OR5D13: variants seen among roughly 807,000 people sequenced by gnomAD.
OR5D13 encodes the protein olfactory receptor 5D13.
For missense variants in OR5D13, 470 were observed against 372.1 expected, an observed-to-expected ratio of 1.26 and a Z score of -2.16; for synonymous variants, 192 against 134.3, an observed-to-expected ratio of 1.43 and a Z score of -2.97.
chr11:55,774,079 T>C lies in OR5D13; in HGVS notation c.642T>C (p.Ile214=). The part of the protein sequence containing the change: ...IAIFNEVSSL[I]IILTSYMLIF... ...TATTCAATGAGGTGAGCAGCCTAAT[T>C]ATCATTCTGACATCATATATGCTTA... Residue 214 remains isoleucine (I), a synonymous_variant, in exon 1 of 1, where the codon ATT becomes ATC. Coordinates refer to ENST00000623930, the MANE Select transcript of OR5D13 (RefSeq NM_001001967.1). The C allele has an allele frequency of 6.2e-7, 1 of 1,613,932 alleles. No homozygotes were observed. The highest frequency in any genetic ancestry group is 1.1e-5 in the South Asian group (1 of 91,084).
Position 55,773,537 on chromosome 11 carries a change from T to C in OR5D13, c.100T>C (p.Leu34=). 6.2e-7 allele frequency: 1 copy of C among 1,613,370 alleles called. No homozygotes were observed. The highest frequency in any genetic ancestry group is 8.5e-7 in the Non-Finnish European group (1 of 1,179,558). ...EIQVPLFLVF[L]FVYTVTVVGN... The stretch of plus-strand genomic sequence containing the variant: ...CCAGGTTCCACTCTTTCTGGTTTTC[T>C]TGTTCGTCTACACAGTCACTGTAGT... Residue 34 remains leucine (L), a synonymous_variant, in exon 1 of 1, where the codon TTG becomes CTG. Coordinates refer to ENST00000623930, the MANE Select transcript of OR5D13 (RefSeq NM_001001967.1).
chr11:55,773,467 C>G lies in OR5D13; in HGVS notation c.30C>G (p.Ser10Arg). The G allele has an allele frequency of 6.2e-7, 1 of 1,605,300 alleles. No individual in the cohort carries two copies. Reference protein sequence around the residue: MMASERNQSSTPTFILLGFS... With the variant: MMASERNQSRTPTFILLGFS... ...TGGCATCTGAAAGAAATCAAAGCAG[C>G]ACACCCACTTTTATTCTCTTGGGTT... is the stretch of plus-strand genomic sequence containing the variant. The change falls in exon 1 of 1, where the codon AGC (serine) becomes AGG (arginine). Residue 10 changes from serine (S) to arginine (R), a missense_variant. Coordinates refer to ENST00000623930, the MANE Select transcript of OR5D13 (RefSeq NM_001001967.1).
Position 55,774,161 on chromosome 11 carries a change from A to T in OR5D13, c.724A>T (p.Thr242Ser), listed in dbSNP as rs769315589. 2 of 1,613,594 alleles carry T rather than the reference A, an allele frequency of 1.2e-6. No homozygotes were observed. Among genetic ancestry groups the T allele is most frequent in the South Asian group, 2.2e-5 (2 of 91,056 alleles). Residue 242 changes from threonine (T) to serine (S), a missense_variant, in exon 1 of 1, where the codon ACC becomes TCC. Coordinates refer to ENST00000623930, the MANE Select transcript of OR5D13 (RefSeq NM_001001967.1). Reference sequence around the variant, plus strand: ...AAGTGGGCGCCAGAAAACTTTCTCCACCTGTGCCTCCCACCTGACAGCCAT... The same window carrying T: ...AAGTGGGCGCCAGAAAACTTTCTCCTCCTGTGCCTCCCACCTGACAGCCAT... Reference protein sequence around the residue: ...SASGRQKTFSTCASHLTAITI... With the variant: ...SASGRQKTFSSCASHLTAITI...
chr11:55,773,587 C>T lies in OR5D13; in HGVS notation c.150C>T (p.Ile50=), dbSNP rs753030831. The T allele has an allele frequency of 6.2e-7, 1 of 1,613,072 alleles. No homozygotes were observed. Among genetic ancestry groups the T allele is most frequent in the African/African-American group, 1.3e-5 (1 of 74,714 alleles). Residue 50 remains isoleucine (I), a synonymous_variant, in exon 1 of 1, where the codon ATC becomes ATT. Transcript: ENST00000623930. ...TVVGNLGMII[I]IRLNSKLHTI... ...TGGGGAACTTGGGCATGATAATAAT[C>T]ATCAGACTCAATTCAAAACTCCATA... is the stretch of plus-strand genomic sequence containing the variant.
At position 55,773,506 on chromosome 11, in the gene OR5D13, A is replaced by T. The variant is rs373861543; in HGVS notation, c.69A>T (p.Pro23=). 6.2e-7 allele frequency: 1 copy of T among 1,613,412 alleles called. No homozygotes were observed. Among genetic ancestry groups the T allele is most frequent in the Non-Finnish European group, 8.5e-7 (1 of 1,179,738 alleles). ...TTCTCTTGGGTTTTTCAGAATACCCAGAAATCCAGGTTCCACTCTTTCTGG... is the reference window on the plus strand; with the variant it reads ...TTCTCTTGGGTTTTTCAGAATACCCTGAAATCCAGGTTCCACTCTTTCTGG... ...TFILLGFSEY[P]EIQVPLFLVF... Residue 23 remains proline, a synonymous_variant, in exon 1 of 1, where the codon CCA becomes CCT. Transcript: ENST00000623930.
In OR5D13 at chr11:55,774,230, A is replaced by G. The variant is rs1853295477; in HGVS notation, c.793A>G (p.Asn265Asp). 1.2e-6 allele frequency: 2 copies of G among 1,613,724 alleles called. No homozygotes were observed. The highest frequency in any genetic ancestry group is 1.7e-6 in the Non-Finnish European group (2 of 1,179,958). The change falls in exon 1 of 1, where the codon AAT becomes GAT. Residue 265 changes from asparagine to aspartate, a missense_variant. Asn to Asp is a conservative substitution (Grantham distance 23, BLOSUM62 1). Transcript: ENST00000623930. ...GTILFLYCVP[N>D]PKTSSLIVTV... ...TATCCTTTTCCTTTACTGTGTTCCT[A>G]ATCCTAAAACTTCTAGCCTCATAGT...
At position 55,773,927 on chromosome 11, in the gene OR5D13, T is replaced by C. The variant is rs1434314687; in HGVS notation, c.490T>C (p.Phe164Leu). The C allele has an allele frequency of 6.2e-7, 1 of 1,613,548 alleles. No homozygotes were observed. ...AGTGTGCTCCCTGATACTCACATAT[T>C]TTCTTCTTGACTTATCGTTTTGTGA... Reference protein sequence around the residue: ...GIVCSLILTYFLLDLSFCEST... With the variant: ...GIVCSLILTYLLLDLSFCEST... Residue 164 changes from phenylalanine (F) to leucine (L), a missense_variant, in exon 1 of 1, where the codon TTT (phenylalanine) becomes CTT (leucine). Coordinates refer to ENST00000623930, the MANE Select transcript of OR5D13 (RefSeq NM_001001967.1).
chr11:55,773,712 G>A lies in OR5D13; in HGVS notation c.275G>A (p.Arg92Lys), dbSNP rs761562338. 1.9e-5 allele frequency: 31 copies of A among 1,613,910 alleles called. No individual in the cohort carries two copies. Among genetic ancestry groups the A allele is most frequent in the Non-Finnish European group, 2.3e-5 (27 of 1,179,966 alleles). ...KLLENLVVEYRTISFSGCIMQ... is the reference protein window; with the variant it reads ...KLLENLVVEYKTISFSGCIMQ... Reference sequence around the variant, plus strand: ...TTGGAGAACTTGGTTGTGGAATACAGAACCATCTCTTTCTCTGGTTGCATC... The same window carrying A: ...TTGGAGAACTTGGTTGTGGAATACAAAACCATCTCTTTCTCTGGTTGCATC... The change falls in exon 1 of 1, where the codon AGA (arginine) becomes AAA (lysine). Residue 92 changes from arginine to lysine, a missense_variant. By Grantham distance (26) the Arg-to-Lys change is conservative. Transcript: ENST00000623930.
In OR5D13 at chr11:55,774,321, G is replaced by C. The variant is rs1360500796; in HGVS notation, c.884G>C (p.Arg295Thr). ...CTGAACCCATTGATCTACAGCCTTA[G>C]GAACAAAGATATCAATAACATGTTT... ...PMLNPLIYSL[R>T]NKDINNMFEK... The change falls in exon 1 of 1, where the codon AGG (arginine) becomes ACG (threonine). Residue 295 changes from arginine to threonine, a missense_variant. Transcript: ENST00000623930. The C allele has an allele frequency of 1.3e-6, 2 of 1,598,472 alleles. No homozygotes were observed. Among genetic ancestry groups the C allele is most frequent in the Non-Finnish European group, 1.7e-6 (2 of 1,176,200 alleles).
chr11:55,774,045 T>A lies in OR5D13; in HGVS notation c.608T>A (p.Ile203Asn), dbSNP rs201933246. 275 of 1,613,612 alleles carry A rather than the reference T, an allele frequency of 1.7e-4. No homozygotes were observed. Among genetic ancestry groups the A allele is most frequent in the Non-Finnish European group, 2.3e-4 (271 of 1,179,866 alleles). Residue 203 changes from isoleucine to asparagine, a missense_variant, in exon 1 of 1, where the codon ATT becomes AAT. Transcript: ENST00000623930. ...TATATCAGCCAGAGGCTATGCTTTA[T>A]TATTGCCATATTCAATGAGGTGAGC... ...DPYISQRLCF[I>N]IAIFNEVSSL...
At position 55,774,183 on chromosome 11, in the gene OR5D13, C is replaced by CCAT. The variant is rs763398517; in HGVS notation, c.749_751dup (p.Ile250dup). On this transcript the variant is annotated inframe_insertion, in exon 1 of 1. Coordinates refer to ENST00000623930, the MANE Select transcript of OR5D13 (RefSeq NM_001001967.1). ...TCCACCTGTGCCTCCCACCTGACAGCCATCACTATCTTCCATGGAACTATC... is the reference window on the plus strand; with the variant it reads ...TCCACCTGTGCCTCCCACCTGACAGCCATCATCACTATCTTCCATGGAACTATC... 40 of 1,613,590 alleles carry CCAT rather than the reference C, an allele frequency of 2.5e-5. No individual in the cohort carries two copies. The highest frequency in any genetic ancestry group is 6.7e-5 in the Admixed American group (4 of 59,930).
rs753203578 is a variant in OR5D13 at position 55,774,128 on chromosome 11, C to T, written c.691C>T (p.Arg231Ter). 14 of 1,613,428 alleles carry T rather than the reference C, an allele frequency of 8.7e-6. No homozygotes were observed. Among genetic ancestry groups the T allele is most frequent in the South Asian group, 1.1e-5 (1 of 91,068 alleles). ...MLIFTTIMKM[R>*]SASGRQKTFS... ...TATTTTCACTACCATTATGAAGATG[C>T]GATCTGCAAGTGGGCGCCAGAAAAC... is the stretch of plus-strand genomic sequence containing the variant. The change falls in exon 1 of 1, where the codon CGA becomes TGA. Residue 231 changes from arginine (R) to a stop codon, truncating the protein, a stop_gained. Coordinates refer to ENST00000623930, the MANE Select transcript of OR5D13 (RefSeq NM_001001967.1). LOFTEE classifies it low-confidence loss of function (END_TRUNC).
chr11:55,773,502 AC>A lies in OR5D13; in HGVS notation c.68del (p.Pro23GlnfsTer19). 6.2e-7 allele frequency: 1 copy of A among 1,613,316 alleles called. No individual in the cohort carries two copies. On this transcript the variant is annotated frameshift_variant, in exon 1 of 1. Coordinates refer to ENST00000623930, the MANE Select transcript of OR5D13 (RefSeq NM_001001967.1). LOFTEE classifies it low-confidence loss of function (END_TRUNC). ...TTTATTCTCTTGGGTTTTTCAGAAT[AC>A]CCAGAAATCCAGGTTCCACTCTTTC... ...PTFILLGFSE[Y>X]PEIQVPLFLV...
rs1389975556 is a variant in OR5D13, at chr11:55,773,580, T to C, written c.143T>C (p.Ile48Thr). The change falls in exon 1 of 1, where the codon ATA becomes ACA. Residue 48 changes from isoleucine to threonine, a missense_variant. Ile to Thr is a moderately conservative substitution (Grantham distance 89). Transcript: ENST00000623930. ...ACTGTAGTGGGGAACTTGGGCATGA[T>C]AATAATCATCAGACTCAATTCAAAA... ...TVTVVGNLGM[I>T]IIIRLNSKLH... 5.0e-6 allele frequency: 8 copies of C among 1,613,196 alleles called. No homozygotes were observed. The highest frequency in any genetic ancestry group is 3.3e-5 in the South Asian group (3 of 91,054).
rs761201512 is a variant in OR5D13, at chr11:55,774,188, A to C, written c.751A>C (p.Thr251Pro). 3.1e-6 allele frequency: 5 copies of C among 1,613,744 alleles called. No individual in the cohort carries two copies. Among genetic ancestry groups the C allele is most frequent in the Admixed American group, 1.7e-5 (1 of 59,944 alleles). Reference sequence around the variant, plus strand: ...CTGTGCCTCCCACCTGACAGCCATCACTATCTTCCATGGAACTATCCTTTT... The same window carrying C: ...CTGTGCCTCCCACCTGACAGCCATCCCTATCTTCCATGGAACTATCCTTTT... ...STCASHLTAITIFHGTILFLY... is the reference protein window; with the variant it reads ...STCASHLTAIPIFHGTILFLY... The change falls in exon 1 of 1, where the codon ACT becomes CCT. Residue 251 changes from threonine to proline, a missense_variant. Transcript: ENST00000623930.
chr11:55,773,595 T>A lies in OR5D13; in HGVS notation c.158T>A (p.Leu53His), dbSNP rs1319343259. ...TTGGGCATGATAATAATCATCAGAC[T>A]CAATTCAAAACTCCATACAATCATG... The part of the protein sequence containing the change: ...GNLGMIIIIR[L>H]NSKLHTIMCF... The change falls in exon 1 of 1, where the codon CTC (leucine) becomes CAC (histidine). Residue 53 changes from leucine (L) to histidine (H), a missense_variant. Transcript: ENST00000623930. 1 of 1,613,416 alleles carries A rather than the reference T, an allele frequency of 6.2e-7. No homozygotes were observed. The highest frequency in any genetic ancestry group is 8.5e-7 in the Non-Finnish European group (1 of 1,179,624).
Position 55,774,015 on chromosome 11 carries a change from AC to A in OR5D13, c.582del (p.Tyr195IlefsTer16), listed in dbSNP as rs1225948316. On this transcript the variant is annotated frameshift_variant, in exon 1 of 1. Transcript: ENST00000623930. LOFTEE classifies it low-confidence loss of function (END_TRUNC). ...GTAATTGTTTCTGCCTCCTACTCAG[AC>A]CCCTATATCAGCCAGAGGCTATGCT... ...HSVIVSASYSDPYISQRLCFI... is the reference protein window; with the variant it reads ...HSVIVSASYSXPYISQRLCFI... The A allele has an allele frequency of 6.2e-7, 1 of 1,613,094 alleles. No homozygotes were observed.
At position 55,773,608 on chromosome 11, in the gene OR5D13, CCATA is replaced by C; in HGVS notation, c.174_177del (p.His58GlnfsTer12). 7 of 1,613,292 alleles carry C rather than the reference CCATA, an allele frequency of 4.3e-6. No homozygotes were observed. The highest frequency in any genetic ancestry group is 5.9e-6 in the Non-Finnish European group (7 of 1,179,510). ...TAATCATCAGACTCAATTCAAAACT[CCATA>C]CAATCATGTGCTTTTTCCTTAGTCA... On this transcript the variant is annotated frameshift_variant, in exon 1 of 1. Coordinates refer to ENST00000623930, the MANE Select transcript of OR5D13 (RefSeq NM_001001967.1). LOFTEE classifies it low-confidence loss of function (END_TRUNC).
At position 55,774,277 on chromosome 11, in the gene OR5D13, C is replaced by T. The variant is rs1315506779; in HGVS notation, c.840C>T (p.Tyr280=). 5 of 1,613,420 alleles carry T rather than the reference C, an allele frequency of 3.1e-6. No homozygotes were observed. In the Admixed American group the frequency reaches 5.0e-5, roughly 16 times the overall value. ...SLIVTVASVF[Y]TVAIPMLNPL... ...TAGTTACAGTGGCTTCTGTGTTTTA[C>T]ACAGTGGCGATTCCAATGCTGAACC... Residue 280 remains tyrosine, a synonymous_variant, in exon 1 of 1, where the codon TAC becomes TAT. Transcript: ENST00000623930.
Sources: allele counts gnomAD v4.1 joint callset, GRCh38; gene constraint gnomAD v4.1.1; transcripts MANE v1.5; gene names NCBI Gene and HGNC (gene_info 2026-07-23, HGNC 2026-07-21).